The following SLC6A5 variants were observed in gnomAD, a reference collection of about 807,000 sequenced individuals.
SLC6A5 encodes solute carrier family 6 member 5, also known as sodium- and chloride-dependent glycine transporter 2.
Under a neutral mutation model 90.5 loss-of-function variants are expected in SLC6A5, and 58 were observed. That is an observed-to-expected ratio of 0.64 (90% confidence interval 0.52 to 0.80). The LOEUF is 0.80. Among genes scored for constraint, SLC6A5 ranks in the 30% least tolerant of loss-of-function variants. The pLI, the probability that SLC6A5 is intolerant of heterozygous loss-of-function variation, is 0.00. For missense variants in SLC6A5, 1,015 were observed against 1,017.6 expected, an observed-to-expected ratio of 1.00 and a Z score of 0.03; for synonymous variants, 427 against 401.4, an observed-to-expected ratio of 1.06 and a Z score of -0.76.
intron 14 of SLC6A5, 55 bp downstream of exon 14, chr11:20,646,989 G>A (rs1311648922): frequency 8.6e-7 from 1 of 1,165,008 alleles, no homozygotes; most frequent in Non-Finnish European, 1.3e-6. Flanking sequence ...CGTATGTGGT[G>A]TTTTACATTT....
Position 20,617,659 on chromosome 11 carries a change from T to G in SLC6A5, c.1128-93T>G. ...AGGATGCTGGGGTTTTGTGCAAGCC[T>G]CCTGGCTCTACTGGAGGCTTAAAGC... is the stretch of plus-strand genomic sequence containing the variant. On this transcript the variant is annotated intron_variant, in intron 6 of 15. Coordinates refer to ENST00000525748, the MANE Select transcript of SLC6A5 (RefSeq NM_004211.5). 2.7e-6 allele frequency: 3 copies of G among 1,128,358 alleles called. 1 individual carries two copies. Among genetic ancestry groups the G allele is most frequent in the Admixed American group, 1.7e-5 (1 of 58,658 alleles). The allele number at this position is 1,128,358 out of a possible 1,614,324, so 69.9% of individuals were successfully genotyped here.
intron 5 of SLC6A5, among the ~76,000 whole-genome samples, chr11:20,613,195 T>C (rs775781640): frequency 4.6e-5 from 7 of 152,204 alleles, no homozygotes; most frequent in South Asian, 2.1e-4. Context: ...GTTTTCCTTA[T>C]CTGTAACATA....
At chr11:20,635,639 A>G (rs1434880023) in intron 10 of SLC6A5, among the ~76,000 whole-genome samples, 1 of 152,232 alleles carries the variant, frequency 6.6e-6, no homozygotes, top group Non-Finnish European at 1.5e-5. Flanking sequence ...ACAAACCTGC[A>G]CATGCACCCC....
At chr11:20,624,886 G>A (rs1565279919) in intron 7 of SLC6A5, among the ~76,000 whole-genome samples, 1 of 152,160 alleles carries the variant, frequency 6.6e-6, no homozygotes, top group Non-Finnish European at 1.5e-5. Context: ...AGTGCCCTGG[G>A]CCTGTTCCAC....
intron 10 of SLC6A5, among the ~76,000 whole-genome samples, 170 bp downstream of exon 10, chr11:20,630,985 T>G (rs906243108): frequency 6.6e-6 from 1 of 152,230 alleles, no homozygotes; most frequent in Non-Finnish European, 1.5e-5. Context: ...GGAAGCTCAC[T>G]GCAGAGTCAG....
intron 8 of SLC6A5, among the ~76,000 whole-genome samples, chr11:20,627,342 C>G (rs1853017059): frequency 6.6e-6 from 1 of 152,146 alleles, no homozygotes; most frequent in Non-Finnish European, 1.5e-5. Context: ...TCTAAAATTT[C>G]CAATTCAAAA....
rs750336593 is a variant in SLC6A5 at position 20,601,462 on chromosome 11, G to C, written c.337G>C (p.Gly113Arg). The C allele has an allele frequency of 8.7e-6, 14 of 1,610,392 alleles. No individual in the cohort carries two copies. The East Asian group carries it at 1.3e-4, about 15-fold the overall frequency. ...GGCCTCGCCCCCTCCCGGGAGCTCC[G>C]GGCCCGGCAACGCGCTGCACTGTAA... is the stretch of plus-strand genomic sequence containing the variant. ...AQASPPPGSS[G>R]PGNALHCKIP... Residue 113 changes from glycine (G) to arginine (R), a missense_variant, in exon 2 of 16, where the codon GGG (glycine) becomes CGG (arginine). Around this residue, in one of 3 missense-constraint regions of SLC6A5, gnomAD observed 567 missense variants for 507.3 expected, o/e 1.12. Coordinates refer to ENST00000525748, the MANE Select transcript of SLC6A5 (RefSeq NM_004211.5).
At chr11:20,612,684 A>G (rs1055382455) in intron 5 of SLC6A5, among the ~76,000 whole-genome samples, 1 of 152,116 alleles carries the variant, frequency 6.6e-6, no homozygotes, top group Admixed American at 6.5e-5. Context: ...CACCTGGCTA[A>G]TTTTTAAAAT....
chr11:20,619,275 A>G (rs57470082), intron 7 of SLC6A5, among the ~76,000 whole-genome samples: 4,886 of 152,278 alleles, frequency 0.032, 280 homozygotes, highest in African/African-American at 0.11. Flanking sequence ...TGCATCCCCC[A>G]TTAGGCACGC....
chr11:20,653,014 A>C (rs895836551), intron 15 of SLC6A5, among the ~76,000 whole-genome samples: 7 of 152,168 alleles, frequency 4.6e-5, no homozygotes, highest in Non-Finnish European at 8.8e-5. Flanking sequence ...TTCTTTGTCA[A>C]TTGATCCCTT....
rs1266369282 is a variant in SLC6A5 at position 20,601,400 on chromosome 11, C to T, written c.275C>T (p.Ala92Val). The T allele has an allele frequency of 1.9e-6, 3 of 1,604,840 alleles. No individual in the cohort carries two copies. The highest frequency in any genetic ancestry group is 2.6e-6 in the Non-Finnish European group (3 of 1,176,438). Residue 92 changes from alanine (A) to valine (V), a missense_variant, in exon 2 of 16, where the codon GCA (alanine) becomes GTA (valine). Physicochemically the swap from Ala to Val is moderately conservative, Grantham distance 64. Transcript: ENST00000525748. ...AGCCCGCGGGCGCAGGCGGCCTCTG[C>T]AGCTCTGCGGGACTTGAGAGAGGCG... The part of the protein sequence containing the change: ...LSSPRAQAAS[A>V]ALRDLREAQG...
At chr11:20,600,360 G>T (rs993702553) in intron 1 of SLC6A5, among the ~76,000 whole-genome samples, 1 of 144,012 alleles carries the variant, frequency 6.9e-6, no homozygotes, top group Non-Finnish European at 1.5e-5. Context: ...AGAAGAAGAA[G>T]AAGAAGAAGA....
chr11:20,601,257 C>A lies in SLC6A5; in HGVS notation c.132C>A (p.Ala44=), dbSNP rs780386706. Residue 44 remains alanine, a synonymous_variant, in exon 2 of 16, where the codon GCC becomes GCA. Coordinates refer to ENST00000525748, the MANE Select transcript of SLC6A5 (RefSeq NM_004211.5). The part of the protein sequence containing the change: ...TSPEQELPAA[A]APPPPRVPRS... ...CGGAGCAGGAGCTTCCCGCGGCTGC[C>A]GCCCCGCCGCCGCCACGTGTGCCCA... The A allele has an allele frequency of 8.2e-6, 13 of 1,582,598 alleles. 1 individual carries two copies. The South Asian group carries it at 1.1e-4, about 14-fold the overall frequency.
intron 1 of SLC6A5, 88 bp downstream of exon 1, chr11:20,599,763 G>A: frequency 8.0e-6 from 12 of 1,491,404 alleles, no homozygotes; most frequent in Non-Finnish European, 1.1e-5. Context: ...TTTTGGAGAT[G>A]TCTGTGCATT....
chr11:20,638,658 T>C (rs886388587), intron 13 of SLC6A5, 100 bp downstream of exon 13: 2 of 789,806 alleles, frequency 2.5e-6, no homozygotes, highest in Non-Finnish European at 4.5e-6. Flanking sequence ...AATACAGGGC[T>C]TAAATTGCAA....
At chr11:20,606,958 CA>C in intron 3 of SLC6A5, 48 bp from the exon 4 acceptor site, 1 of 1,613,026 alleles carries the variant, frequency 6.2e-7, no homozygotes, top group Non-Finnish European at 8.5e-7. Flanking sequence ...AGGAGGGCAG[CA>C]GCCTGCTTTT....
In SLC6A5 at chr11:20,655,795, G is replaced by T. The variant is rs1353920782; in HGVS notation, c.*927G>T. On this transcript the variant is annotated 3_prime_UTR_variant, in exon 16 of 16. Coordinates refer to ENST00000525748, the MANE Select transcript of SLC6A5 (RefSeq NM_004211.5). ...CTCTGGGAAAACAAGACTTACCCTG[G>T]TTCTGTCTATATATTATATATATAG... 2 of 151,966 alleles carry T rather than the reference G, an allele frequency of 1.3e-5. No individual in the cohort carries two copies. Among genetic ancestry groups the T allele is most frequent in the Non-Finnish European group, 2.9e-5 (2 of 68,004 alleles). 9.4% of individuals were successfully genotyped at this position (151,966 alleles called of 1,614,324 possible). A position where few individuals can be genotyped will look rare whatever the true frequency, so the allele number is the denominator to read the frequency against.
chr11:20,604,555 C>CG, intron 3 of SLC6A5, 131 bp downstream of exon 3: 1 of 1,136,232 alleles, frequency 8.8e-7, no homozygotes, highest in Non-Finnish European at 1.3e-6. Context: ...TCCAGCCCTA[C>CG]ACCTCGTAGG....
At chr11:20,624,484 CT>C (rs35751270) in intron 7 of SLC6A5, among the ~76,000 whole-genome samples, 40,177 of 151,954 alleles carry the variant, frequency 0.26, 5,487 homozygotes, top group Middle Eastern at 0.31. Flanking sequence ...CAGCTCTAAA[CT>C]TTCCCAATTC....
Sources: allele counts gnomAD v4.1 joint callset (sites outside exome capture counted in the v4.1 genomes callset), GRCh38; gene constraint gnomAD v4.1.1; regional missense constraint gnomAD v4.1.1; transcripts MANE v1.5; gene names NCBI Gene and HGNC (gene_info 2026-07-23, HGNC 2026-07-21).